MARCHF8: variants seen among roughly 807,000 people sequenced by gnomAD.
The protein encoded by MARCHF8 is E3 ubiquitin-protein ligase MARCHF8.
Under a neutral mutation model 51.6 loss-of-function variants are expected in MARCHF8, and 40 were observed. The observed-to-expected ratio is 0.77, with a 90% CI of 0.60 to 1.01. The LOEUF is 1.01. MARCHF8 is among the 50% of genes least tolerant of loss of function. The pLI is 0.00. For synonymous variants in MARCHF8, 263 were observed against 280.3 expected, an observed-to-expected ratio of 0.94 and a Z score of 0.62; for missense variants, 685 against 708.6, an observed-to-expected ratio of 0.97 and a Z score of 0.38.
At chr10:45,480,747 C>T (rs944387496) in intron 3 of MARCHF8, among the ~76,000 whole-genome samples, 1 of 152,216 alleles carries the variant, frequency 6.6e-6, no homozygotes, top group Non-Finnish European at 1.5e-5. Context: ...TGTTCAGGCA[C>T]TGGTATGCTG....
At chr10:45,461,452 A>G in intron 5 of MARCHF8, 41 bp from the exon 6 acceptor site, 2 of 1,450,884 alleles carry the variant, frequency 1.4e-6, no homozygotes, top group Non-Finnish European at 1.8e-6. Flanking sequence ...GGACAGTCCC[A>G]TGACAGGGAA....
intron 1 of MARCHF8, among the ~76,000 whole-genome samples, chr10:45,566,374 T>C (rs1425754832): frequency 1.3e-5 from 2 of 152,134 alleles, no homozygotes; most frequent in Non-Finnish European, 2.9e-5. Flanking sequence ...TTATCCATTC[T>C]ATTTTTTTTT....
intron 2 of MARCHF8, among the ~76,000 whole-genome samples, chr10:45,522,374 A>C (rs550163952): frequency 1.3e-5 from 2 of 152,150 alleles, no homozygotes; most frequent in South Asian, 4.1e-4. Context: ...TTTCCAGAAA[A>C]TAAGCAGTCT....
intron 3 of MARCHF8, among the ~76,000 whole-genome samples, chr10:45,466,888 A>C (rs2132954617): frequency 6.6e-6 from 1 of 152,320 alleles, no homozygotes; most frequent in Middle Eastern, 3.4e-3. Flanking sequence ...GCCTGAAGGT[A>C]GGAGGGCAGA....
At chr10:45,519,855 T>G (rs1032628068) in intron 2 of MARCHF8, among the ~76,000 whole-genome samples, 1 of 152,148 alleles carries the variant, frequency 6.6e-6, no homozygotes, top group Non-Finnish European at 1.5e-5. Flanking sequence ...TCAGTAAAAC[T>G]TATTGATGAG....
At chr10:45,498,978 T>C (rs972298041) in intron 2 of MARCHF8, among the ~76,000 whole-genome samples, 1 of 152,228 alleles carries the variant, frequency 6.6e-6, no homozygotes, top group Non-Finnish European at 1.5e-5. Context: ...GAAGTGGATT[T>C]CCTGGGTCAT....
At chr10:45,537,112 C>T (rs2043984589), upstream of MARCHF8, among the ~76,000 whole-genome samples, 1 of 151,938 alleles carries the variant, frequency 6.6e-6, no homozygotes, top group Non-Finnish European at 1.5e-5. Flanking sequence ...TATCATATGA[C>T]CCAACAACTT....
At chr10:45,462,566 A>C (rs1842822442) in intron 5 of MARCHF8, among the ~76,000 whole-genome samples, 1 of 151,280 alleles carries the variant, frequency 6.6e-6, no homozygotes, top group Admixed American at 6.6e-5. Context: ...ACTTATTTTT[A>C]GTTTAGAAGA....
intron 2 of MARCHF8, among the ~76,000 whole-genome samples, chr10:45,492,758 A>G (rs1328943323): frequency 2.0e-5 from 3 of 152,252 alleles, no homozygotes; most frequent in African/African-American, 7.2e-5. Context: ...CAACTGTGTC[A>G]GGCATAGAAT....
chr10:45,559,309 T>C (rs762676748), intron 1 of MARCHF8, among the ~76,000 whole-genome samples: 7 of 152,236 alleles, frequency 4.6e-5, no homozygotes, highest in Non-Finnish European at 8.8e-5. Flanking sequence ...TATCTGACTT[T>C]ATATTACAGA....
intron 1 of MARCHF8, among the ~76,000 whole-genome samples, chr10:45,542,345 CAAAAAAAAAAAAAAAAA>C (rs60776762): frequency 2.0e-5 from 1 of 48,982 alleles, no homozygotes; most frequent in African/African-American, 7.2e-5. Flanking sequence ...GACTTCGTCT[CAAAAAAAAAAAAAAAAA>C]AAAAAAAAAG....
intron 2 of MARCHF8, among the ~76,000 whole-genome samples, chr10:45,494,981 G>A (rs957344729): frequency 5.3e-5 from 8 of 152,116 alleles, no homozygotes; most frequent in Admixed American, 1.3e-4. Context: ...TTAGCTGGGC[G>A]TGGTGGCACA....
intron 2 of MARCHF8, among the ~76,000 whole-genome samples, chr10:45,502,386 C>T (rs1320606751): frequency 1.3e-5 from 2 of 152,128 alleles, no homozygotes; most frequent in African/African-American, 2.4e-5. Flanking sequence ...CGAGAAAGTA[C>T]GGTGCTGGCA....
chr10:45,545,473 G>A (rs2044108505), intron 1 of MARCHF8, among the ~76,000 whole-genome samples: 1 of 152,158 alleles, frequency 6.6e-6, no homozygotes, highest in East Asian at 1.9e-4. Context: ...CATTTCAGAT[G>A]GGAAGAAACC....
At chr10:45,577,721 G>A (rs1290564682) in intron 1 of MARCHF8, among the ~76,000 whole-genome samples, 1 of 152,138 alleles carries the variant, frequency 6.6e-6, no homozygotes, top group Non-Finnish European at 1.5e-5. Context: ...TTTTGTTATA[G>A]CAGCATAACG....
At chr10:45,531,037 G>T (rs1007227807) in intron 2 of MARCHF8, among the ~76,000 whole-genome samples, 2 of 151,978 alleles carry the variant, frequency 1.3e-5, no homozygotes, top group Non-Finnish European at 2.9e-5. Context: ...TATTGAAAAA[G>T]AAAATATTAA....
intron 2 of MARCHF8, among the ~76,000 whole-genome samples, chr10:45,497,184 T>A (rs142174655): frequency 2.5e-4 from 38 of 152,090 alleles, no homozygotes; most frequent in African/African-American, 9.2e-4. Flanking sequence ...TAATATCAGA[T>A]AAAAAAGACT....
At chr10:45,588,239 T>G (rs949067113) in intron 1 of MARCHF8, among the ~76,000 whole-genome samples, 3 of 152,002 alleles carry the variant, frequency 2.0e-5, no homozygotes, top group African/African-American at 7.2e-5. Context: ...CGAAACACTT[T>G]CCTTATCCAT....
chr10:45,563,224 A>G (rs1042170506), intron 1 of MARCHF8, among the ~76,000 whole-genome samples: 1 of 152,048 alleles, frequency 6.6e-6, no homozygotes, highest in Non-Finnish European at 1.5e-5. Context: ...ACACTGTCTC[A>G]CTTTGTTGTC....
Sources: allele counts gnomAD v4.1 joint callset (sites outside exome capture counted in the v4.1 genomes callset), GRCh38; gene constraint gnomAD v4.1.1; transcripts MANE v1.5; gene names NCBI Gene and HGNC (gene_info 2026-07-23, HGNC 2026-07-21).